Variants in SLC12A2 observed in about 807,000 individuals in gnomAD.
The protein encoded by SLC12A2 is Na-K-2Cl cotransporter 1.
SLC12A2 carries 67 observed loss-of-function variants against 136.3 expected under a neutral mutation model. That is an observed-to-expected ratio of 0.49 (90% CI 0.40 to 0.60). The LOEUF (loss-of-function observed/expected upper bound fraction) is 0.60. SLC12A2 is among the 20% of genes least tolerant of loss of function. The pLI, the probability that SLC12A2 is intolerant of heterozygous loss-of-function variation, is 0.00. For missense variants in SLC12A2, 1,322 were observed against 1,534.7 expected (o/e 0.86, Z 2.32); for synonymous variants, 619 against 562.9 (o/e 1.10, Z -1.41).
chr5:128,126,714 C>T (rs1168223432), intron 4 of SLC12A2, among the ~76,000 whole-genome samples: 1 of 151,812 alleles, frequency 6.6e-6, no homozygotes, highest in Non-Finnish European at 1.5e-5. Context: ...ACAATGGTGA[C>T]TAGAAGTGTT....
chr5:128,132,112 T>C (rs944411811), intron 5 of SLC12A2, among the ~76,000 whole-genome samples: 10 of 152,320 alleles, frequency 6.6e-5, no homozygotes, highest in Admixed American at 3.9e-4. Flanking sequence ...AAGGGTCTTA[T>C]TTCCATTGAA....
At chr5:128,113,703 T>G (rs1761241270) in intron 2 of SLC12A2, among the ~76,000 whole-genome samples, 1 of 152,028 alleles carries the variant, frequency 6.6e-6, no homozygotes. Flanking sequence ...ACATAGCAAA[T>G]AAAACTGAAA....
At chr5:128,165,494 A>T (rs537085999) in intron 17 of SLC12A2, among the ~76,000 whole-genome samples, 1 of 152,228 alleles carries the variant, frequency 6.6e-6, no homozygotes. Flanking sequence ...TATGTAATCC[A>T]TGAAGAACTC....
At chr5:128,177,762 C>T (rs1763579474) in intron 21 of SLC12A2, 1 of 152,072 alleles carries the variant, frequency 6.6e-6, no homozygotes, top group South Asian at 2.1e-4. Flanking sequence ...ATCAGATGTC[C>T]TCGTATGGAT....
At chr5:128,137,789 T>A (rs1202187654) in intron 7 of SLC12A2, among the ~76,000 whole-genome samples, 1 of 152,154 alleles carries the variant, frequency 6.6e-6, no homozygotes, top group Non-Finnish European at 1.5e-5. Flanking sequence ...GAACTTTACT[T>A]AGGGTAGCTA....
At chr5:128,172,125 CAG>C (rs780196413) in intron 19 of SLC12A2, among the ~76,000 whole-genome samples, 24 of 152,274 alleles carry the variant, frequency 1.6e-4, no homozygotes, top group Non-Finnish European at 2.6e-4. Context: ...ATGCTTTGTA[CAG>C]AGTCATATTG....
intron 1 of SLC12A2, among the ~76,000 whole-genome samples, chr5:128,105,630 T>G (rs1424103500): frequency 1.3e-5 from 2 of 152,178 alleles, no homozygotes; most frequent in Admixed American, 1.3e-4. Context: ...AAAAGTTAAC[T>G]CTGGTTAAAG....
chr5:128,143,900 T>G (rs913465874), intron 10 of SLC12A2, among the ~76,000 whole-genome samples: 1 of 141,764 alleles, frequency 7.1e-6, no homozygotes, highest in African/African-American at 2.5e-5. Context: ...ATAAATAAAA[T>G]TATTTATAAT....
chr5:128,106,030 T>C (rs910258930), intron 1 of SLC12A2, among the ~76,000 whole-genome samples: 2 of 152,196 alleles, frequency 1.3e-5, no homozygotes, highest in African/African-American at 4.8e-5. Flanking sequence ...ATTCTTTCCT[T>C]TATCTCTTCC....
At chr5:128,115,087 T>A (rs1761296903) in intron 4 of SLC12A2, among the ~76,000 whole-genome samples, 1 of 152,178 alleles carries the variant, frequency 6.6e-6, no homozygotes, top group Non-Finnish European at 1.5e-5. Flanking sequence ...TTCCCCATGA[T>A]CTAATAGCAT....
chr5:128,139,994 TTTGTTTTTGTTTTTTGTTTTTTGAGA>T (rs1260383815), intron 9 of SLC12A2, among the ~76,000 whole-genome samples: 7 of 152,004 alleles, frequency 4.6e-5, no homozygotes, highest in Non-Finnish European at 1.0e-4. Context: ...CTTGTTTGTT[TTTGTTTTTGTTTTTTGTTTTTTGAGA>T]CGGAGTCTCA....
rs148414186 is a variant in SLC12A2, at chr5:128,180,349, C to T, written c.3101-534C>T. On this transcript the variant is annotated intron_variant, in intron 22 of 26. Transcript: ENST00000262461. ...GTTTTGCACTTTCCCTTCACAGCCACGAAAGTAACCCTTTCCAAGGAATGC... is the reference window on the plus strand; with the variant it reads ...GTTTTGCACTTTCCCTTCACAGCCATGAAAGTAACCCTTTCCAAGGAATGC... 3.6e-3 allele frequency among the ~76,000 whole-genome samples: 552 copies of T among 152,154 alleles called. 5 individuals are homozygous for T. Among genetic ancestry groups the T allele is most frequent in the African/African-American group, 0.013 (541 of 41,510 alleles).
rs141016886 is a variant in SLC12A2, at chr5:128,148,759, A to G, written c.1887A>G (p.Leu629=). 5.7e-6 allele frequency: 9 copies of G among 1,592,502 alleles called. No homozygotes were observed. Among genetic ancestry groups the G allele is most frequent in the Non-Finnish European group, 7.7e-6 (9 of 1,172,532 alleles). The part of the protein sequence containing the change: ...LVSAPKIFQA[L]CKDNIYPAFQ... ...TTAATGTTTTCTTTCATTAGGCTCT[A>G]TGTAAGGACAACATCTACCCAGCTT... is the stretch of plus-strand genomic sequence containing the variant. Residue 629 remains leucine (L), a synonymous_variant, in exon 12 of 27, where the codon CTA becomes CTG. Transcript: ENST00000262461.
In SLC12A2 at chr5:128,148,816, T is replaced by C; in HGVS notation, c.1944T>C (p.Asn648=). ...FQMFAKGYGK[N]NEPLRGYILT... is the part of the protein sequence containing the mutation. ...TGTTTGCTAAAGGTTATGGGAAAAA[T>C]AATGAACCTCTTCGTGGCTACATCT... Residue 648 remains asparagine (N), a synonymous_variant, in exon 12 of 27, where the codon AAT becomes AAC. Transcript: ENST00000262461. 6.2e-7 allele frequency: 1 copy of C among 1,608,812 alleles called. No individual in the cohort carries two copies. Among genetic ancestry groups the C allele is most frequent in the South Asian group, 1.1e-5 (1 of 90,430 alleles).
intron 1 of SLC12A2, among the ~76,000 whole-genome samples, chr5:128,087,264 G>T (rs1045460904): frequency 2.8e-4 from 43 of 152,326 alleles, no homozygotes; most frequent in African/African-American, 9.9e-4. Context: ...GGGGAAGGGG[G>T]TATCTTAGAT....
At chr5:128,137,777 A>C (rs996056962) in intron 7 of SLC12A2, among the ~76,000 whole-genome samples, 1 of 152,198 alleles carries the variant, frequency 6.6e-6, no homozygotes. Context: ...TGAAATAGAA[A>C]GGAACTTTAC....
At chr5:128,180,845 G>A (rs372411645) in intron 22 of SLC12A2, 38 bp from the exon 23 acceptor site, 3 of 1,176,360 alleles carry the variant, frequency 2.6e-6, no homozygotes, top group South Asian at 1.3e-5. Flanking sequence ...TAAGAAATTT[G>A]CATTTAGTAA....
chr5:128,095,271 A>T (rs930222856), intron 1 of SLC12A2, among the ~76,000 whole-genome samples: 2 of 152,134 alleles, frequency 1.3e-5, no homozygotes, highest in African/African-American at 4.8e-5. Context: ...TTTCCAAAGC[A>T]TTCTTAAGTT....
At chr5:128,126,941 CATATAT>C (rs1243756791) in intron 4 of SLC12A2, among the ~76,000 whole-genome samples, 5 of 41,004 alleles carry the variant, frequency 1.2e-4, no homozygotes, top group Middle Eastern at 0.02. Context: ...TCACAACCTA[CATATAT>C]ATATATATAT....
Sources: gnomAD v4.1 joint callset for allele counts (sites outside exome capture counted in the v4.1 genomes callset) on GRCh38, gnomAD v4.1.1 for gene constraint, MANE v1.5 for transcripts, NCBI Gene and HGNC (gene_info 2026-07-23, HGNC 2026-07-21) for gene names.